Variants in SOS1 observed in about 807,000 individuals in gnomAD.
SOS1 encodes the protein son of sevenless homolog 1.
In SOS1, 25 loss-of-function variants were observed where a neutral mutation model predicts 157.6. That is an observed-to-expected ratio of 0.16 (90% CI 0.12 to 0.22). SOS1 has a LOEUF of 0.22. Ranked by LOEUF, SOS1 falls within the 10% of genes least tolerant of loss-of-function variation. The probability of loss-of-function intolerance (pLI) is 1.00; values close to 1 mark genes in which losing one functional copy is unlikely to be tolerated. For missense variants in SOS1, 1,237 were observed against 1,599.1 expected (o/e 0.77, Z 3.86); for synonymous variants, 528 against 534.0 (o/e 0.99, Z 0.16).
At chr2:39,007,573 G>T in intron 15 of SOS1, 1 of 178,326 alleles carries the variant, frequency 5.6e-6, no homozygotes, top group Non-Finnish European at 1.2e-5. Context: ...TCATCTAATT[G>T]CAAGATTTTA....
chr2:38,986,087 C>A lies in SOS1; in HGVS notation c.3739G>T (p.Ala1247Ser). 6.2e-7 allele frequency: 1 copy of A among 1,613,804 alleles called. No homozygotes were observed. Among genetic ancestry groups the A allele is most frequent in the Non-Finnish European group, 8.5e-7 (1 of 1,179,880 alleles). The change falls in exon 23 of 23, where the codon GCC (alanine) becomes TCC (serine). Residue 1247 changes from alanine (A) to serine (S), a missense_variant. Around this residue, in one of 15 missense-constraint regions of SOS1, gnomAD observed 306 missense variants for 322.6 expected, o/e 0.95. Coordinates refer to ENST00000402219, the MANE Select transcript of SOS1 (RefSeq NM_005633.4). ...PLGKKSDHGN[A>S]FFPNSPSPFT... ...GGGGAAGGGCTGTTTGGGAAGAAGG[C>A]ATTGCCATGGTCACTTTTTTTGCCC...
intron 1 of SOS1, among the ~76,000 whole-genome samples, chr2:39,096,792 A>G (rs1672781099): frequency 1.3e-5 from 2 of 152,092 alleles, no homozygotes; most frequent in Admixed American, 1.3e-4. Context: ...AGGCTGAGAC[A>G]GGAGAATGGT....
chr2:38,997,009 T>G lies in SOS1; in HGVS notation c.2994A>C (p.Gly998=). The change falls in exon 19 of 23, where the codon GGA becomes GGC. Residue 998 remains glycine (G), a synonymous_variant. Coordinates refer to ENST00000402219, the MANE Select transcript of SOS1 (RefSeq NM_005633.4). ...KRFFENLNPM[G]NSMEKEFTDY... ...CTGTAAATTCCTTCTCCATGCTATT[T>G]CCCATCGGATTCAAGTTTTCAAAGA... The G allele has an allele frequency of 6.2e-7, 1 of 1,600,014 alleles. No homozygotes were observed. Among genetic ancestry groups the G allele is most frequent in the Non-Finnish European group, 8.6e-7 (1 of 1,167,922 alleles).
intron 10 of SOS1, among the ~76,000 whole-genome samples, chr2:39,015,318 T>C (rs1669596079): frequency 6.6e-6 from 1 of 151,804 alleles, no homozygotes; most frequent in South Asian, 2.1e-4. Flanking sequence ...CAACTGGAAA[T>C]TGGAACTTAT....
At chr2:39,100,770 A>G (rs1462262355) in intron 1 of SOS1, among the ~76,000 whole-genome samples, 1 of 152,044 alleles carries the variant, frequency 6.6e-6, no homozygotes, top group East Asian at 1.9e-4. Flanking sequence ...TTAAAGAAAA[A>G]TAGCTGGGTG....
chr2:39,058,514 A>G (rs997178492), intron 3 of SOS1, among the ~76,000 whole-genome samples, 159 bp downstream of exon 3: 2 of 152,062 alleles, frequency 1.3e-5, no homozygotes, highest in Admixed American at 1.3e-4. Context: ...TCTTATTATC[A>G]TAGCATCCCT....
intron 22 of SOS1, among the ~76,000 whole-genome samples, chr2:38,987,266 C>T (rs145852607): frequency 2.0e-5 from 3 of 152,212 alleles, no homozygotes; most frequent in Non-Finnish European, 4.4e-5. Context: ...CTTAGGTTTA[C>T]AAGGGTCTTG....
At chr2:39,069,212 A>G (rs1176573839) in intron 1 of SOS1, among the ~76,000 whole-genome samples, 6 of 135,156 alleles carry the variant, frequency 4.4e-5, no homozygotes, top group East Asian at 4.0e-4. Flanking sequence ...AAAAAAAAAA[A>G]AAAAAAAAAA....
intron 6 of SOS1, among the ~76,000 whole-genome samples, chr2:39,035,945 G>A (rs939102769): frequency 1.3e-5 from 2 of 152,028 alleles, no homozygotes; most frequent in African/African-American, 4.8e-5. Flanking sequence ...TAAACCAGAA[G>A]TAACAGTTCA....
At chr2:39,074,990 T>G (rs1671921499) in intron 1 of SOS1, among the ~76,000 whole-genome samples, 1 of 151,882 alleles carries the variant, frequency 6.6e-6, no homozygotes, top group Admixed American at 6.6e-5. Context: ...AGGTTGTATA[T>G]CATGCTAAGG....
rs397517148 is a variant in SOS1 at position 39,023,128 on chromosome 2, C to T, written c.1300G>A (p.Gly434Arg). 1 of 1,613,306 alleles carries T rather than the reference C, an allele frequency of 6.2e-7. No homozygotes were observed. The highest frequency in any genetic ancestry group is 8.5e-7 in the Non-Finnish European group (1 of 1,179,506). ...EIQKNIDGWE[G>R]KDIGQCCNEF... ...TTACAACACTGTCCAATGTCTTTTC[C>T]CTCCCAACCATCAATATTCTTCTGA... The change falls in exon 10 of 23, where the codon GGA (glycine) becomes AGA (arginine). Residue 434 changes from glycine to arginine, a missense_variant. This residue lies in a region of SOS1 where 210 missense variants were observed against 220.2 expected (regional missense o/e 0.95). Coordinates refer to ENST00000402219, the MANE Select transcript of SOS1 (RefSeq NM_005633.4).
chr2:39,082,285 T>C (rs1672230214), intron 1 of SOS1, among the ~76,000 whole-genome samples: 1 of 152,204 alleles, frequency 6.6e-6, no homozygotes, highest in South Asian at 2.1e-4. Context: ...TTGGTGGATT[T>C]TGTTTTTAGA....
chr2:39,013,185 T>C (rs1669524521), intron 13 of SOS1, among the ~76,000 whole-genome samples: 1 of 152,130 alleles, frequency 6.6e-6, no homozygotes, highest in South Asian at 2.1e-4. Flanking sequence ...CCAAATGCCC[T>C]CATACTTTGG....
upstream of SOS1, among the ~76,000 whole-genome samples, chr2:39,123,210 C>T (rs1673955707): frequency 6.6e-6 from 1 of 152,146 alleles, no homozygotes; most frequent in African/African-American, 2.4e-5. Context: ...CCGATCACTC[C>T]AAGTAATTCT....
chr2:39,104,583 AAAC>A (rs1183289793), intron 1 of SOS1, among the ~76,000 whole-genome samples: 1 of 152,194 alleles, frequency 6.6e-6, no homozygotes, highest in African/African-American at 2.4e-5. Flanking sequence ...CGAATTACAA[AAAC>A]AACCCAGCAA....
In SOS1 at chr2:39,003,390, C is replaced by T. The variant is rs144462373; in HGVS notation, c.2791+3022G>A. On this transcript the variant is annotated intron_variant, in intron 17 of 22. Coordinates refer to ENST00000402219, the MANE Select transcript of SOS1 (RefSeq NM_005633.4). ...AAGTAGTAAAATTATACTTTATCCC[C>T]GCTAAAACTGAGTTTCAAACAAGCT... is the stretch of plus-strand genomic sequence containing the variant. Among the ~76,000 whole-genome samples, 196 of 152,154 alleles carry T rather than the reference C, an allele frequency of 1.3e-3. 1 individual carries two copies. Among genetic ancestry groups the T allele is most frequent in the African/African-American group, 4.4e-3 (181 of 41,520 alleles).
chr2:39,022,780 G>A lies in SOS1; in HGVS notation c.1648C>T (p.Leu550=), dbSNP rs1233000238. 9.3e-6 allele frequency: 15 copies of A among 1,613,396 alleles called. No individual in the cohort carries two copies. Among genetic ancestry groups the A allele is most frequent in the Non-Finnish European group, 1.3e-5 (15 of 1,179,600 alleles). ...ALISLQYRST[L]ERMLDVTMLQ... ...ATTGTTACATCAAGCATCCTTTCCA[G>A]TGTACTCCGGTACTGTAAAGATATC... Residue 550 remains leucine, a synonymous_variant, in exon 10 of 23, where the codon CTG becomes TTG. Transcript: ENST00000402219.
At position 38,985,855 on chromosome 2, in the gene SOS1, G is replaced by A. The variant is rs727503434; in HGVS notation, c.3971C>T (p.Pro1324Leu). 1 of 1,613,814 alleles carries A rather than the reference G, an allele frequency of 6.2e-7. No homozygotes were observed. Among genetic ancestry groups the A allele is most frequent in the Non-Finnish European group, 8.5e-7 (1 of 1,179,804 alleles). Residue 1324 changes from proline to leucine, a missense_variant, in exon 23 of 23, where the codon CCA (proline) becomes CTA (leucine). Pro to Leu is a moderately conservative substitution (Grantham distance 98). Around this residue, in one of 15 missense-constraint regions of SOS1, gnomAD observed 306 missense variants for 322.6 expected, o/e 0.95. Coordinates refer to ENST00000402219, the MANE Select transcript of SOS1 (RefSeq NM_005633.4). ...AGAATGGGCATTCTCCAACAGTGGT[G>A]GTCCATCTCTGTGCATGGATGGGTG... Reference protein sequence around the residue: ...HTHPSMHRDGPPLLENAHSS With the variant: ...HTHPSMHRDGLPLLENAHSS
chr2:39,048,502 GC>G (rs1670878150), intron 6 of SOS1, among the ~76,000 whole-genome samples: 2 of 152,012 alleles, frequency 1.3e-5, no homozygotes, highest in Non-Finnish European at 2.9e-5. Context: ...CCAGGTTCAA[GC>G]AATTCTCGTG....
Sources: gnomAD v4.1 joint callset for allele counts (sites outside exome capture counted in the v4.1 genomes callset) on GRCh38, gnomAD v4.1.1 for gene constraint, gnomAD v4.1.1 regional missense constraint, MANE v1.5 for transcripts, NCBI Gene and HGNC (gene_info 2026-07-23, HGNC 2026-07-21) for gene names.